The following CDKL4 variants were observed in gnomAD, a reference collection of about 807,000 sequenced individuals.
CDKL4 encodes the protein cyclin dependent kinase like 4, also known as cyclin-dependent kinase-like 4.
CDKL4 carries 44 observed loss-of-function variants against 42.0 expected under a neutral mutation model. The observed-to-expected ratio is 1.05, with a 90% CI of 0.82 to 1.35. The LOEUF (loss-of-function observed/expected upper bound fraction) is 1.35. Ranked by LOEUF, CDKL4 falls within the 40% of genes most tolerant of loss-of-function variation. The pLI, the probability that CDKL4 is intolerant of heterozygous loss-of-function variation, is 0.00. For missense variants in CDKL4, 393 were observed against 369.9 expected (o/e 1.06, Z -0.51); for synonymous variants, 120 against 121.6 (o/e 0.99, Z 0.09).
rs1191689562 is a variant in CDKL4 at position 39,185,387 on chromosome 2, CATGTATATAT to C, written c.736-750_736-741del. Among the ~76,000 whole-genome samples the C allele has an allele frequency of 3.8e-3, 12 of 3,158 alleles. 3 individuals carry two copies. Among genetic ancestry groups the C allele is most frequent in the Non-Finnish European group, 0.013 (8 of 630 alleles). 2.1% of individuals were successfully genotyped at this position (3,158 alleles called of 152,430 possible). On this transcript the variant is annotated intron_variant, in intron 7 of 9. Transcript: ENST00000451199. ...ATATATATATACATATGTATATATA[CATGTATATAT>C]ACATATGTGTATATATACATATATA...
chr2:39,185,352 GTATATATACA>G (rs1558547194), intron 7 of CDKL4, among the ~76,000 whole-genome samples: 4 of 74,386 alleles, frequency 5.4e-5, no homozygotes, highest in Admixed American at 1.6e-4. Flanking sequence ...ATACACATAT[GTATATATACA>G]TATATATATA....
chr2:39,220,619 G>A lies in CDKL4; in HGVS notation c.290+5220C>T, dbSNP rs534472604. Among the ~76,000 whole-genome samples, 232 of 151,470 alleles carry A rather than the reference G, an allele frequency of 1.5e-3. 2 individuals carry two copies. Among genetic ancestry groups the A allele is most frequent in the African/African-American group, 4.9e-3 (204 of 41,268 alleles). ...TTTCTTTTTTTTGAGATGGAGTTTC[G>A]CTCTGTCGCCCAGGCTGGAGTGAAG... On this transcript the variant is annotated intron_variant, in intron 3 of 9. Transcript: ENST00000451199.
intron 1 of CDKL4, among the ~76,000 whole-genome samples, chr2:39,232,351 T>C (rs567467286): frequency 1.3e-5 from 2 of 152,336 alleles, no homozygotes; most frequent in South Asian, 4.1e-4. Flanking sequence ...ACAGCTCTAA[T>C]TCCAGCTTAC....
chr2:39,226,456 T>TTATATATATTATATATATATA (rs1396098912), intron 2 of CDKL4, among the ~76,000 whole-genome samples: 9 of 137,440 alleles, frequency 6.5e-5, no homozygotes, highest in Non-Finnish European at 1.4e-4. Context: ...TATATATATA[T>TTATATATATTATATATATATA]TATATATATT....
At chr2:39,179,752 T>C (rs529512709) in intron 8 of CDKL4, among the ~76,000 whole-genome samples, 1 of 152,256 alleles carries the variant, frequency 6.6e-6, no homozygotes, top group African/African-American at 2.4e-5. Context: ...GCAGTTTGTG[T>C]TTAAGAAGCT....
intron 3 of CDKL4, among the ~76,000 whole-genome samples, chr2:39,216,080 T>G (rs1399172736): frequency 6.6e-6 from 1 of 152,212 alleles, no homozygotes; most frequent in Non-Finnish European, 1.5e-5. Flanking sequence ...ATCCCAGATA[T>G]GCTGCTTCCT....
chr2:39,219,769 C>T (rs1184290335), intron 3 of CDKL4, among the ~76,000 whole-genome samples: 1 of 152,058 alleles, frequency 6.6e-6, no homozygotes, highest in Non-Finnish European at 1.5e-5. Context: ...AATAAAATGC[C>T]TATTCAAGGC....
At chr2:39,215,141 G>A (rs1475950713) in intron 3 of CDKL4, among the ~76,000 whole-genome samples, 1 of 152,126 alleles carries the variant, frequency 6.6e-6, no homozygotes, top group Non-Finnish European at 1.5e-5. Flanking sequence ...TCTCCTCATT[G>A]TCTTGCCAAC....
intron 2 of CDKL4, among the ~76,000 whole-genome samples, chr2:39,226,897 G>A (rs80166636): frequency 4.7e-4 from 72 of 152,218 alleles, no homozygotes; most frequent in Admixed American, 8.5e-4. Flanking sequence ...CTTTGCTGTA[G>A]CTGGGACTAC....
intron 9 of CDKL4, chr2:39,178,418 A>C (rs906687037): frequency 1.4e-5 from 10 of 708,324 alleles, no homozygotes; most frequent in Non-Finnish European, 2.3e-5. Context: ...GTTTATTATT[A>C]GGCAATGTTC....
intron 3 of CDKL4, among the ~76,000 whole-genome samples, chr2:39,219,623 G>T (rs765512177): frequency 6.6e-6 from 1 of 152,040 alleles, no homozygotes; most frequent in Non-Finnish European, 1.5e-5. Context: ...ATTTCACCCT[G>T]TTGCCCAGAG....
intron 4 of CDKL4, among the ~76,000 whole-genome samples, chr2:39,209,641 T>C (rs996156155): frequency 1.3e-5 from 2 of 152,078 alleles, no homozygotes; most frequent in East Asian, 3.9e-4. Context: ...ATAGTTGGAG[T>C]AGCAAGGCCT....
At chr2:39,208,686 T>C in intron 4 of CDKL4, among the ~76,000 whole-genome samples, 1 of 148,948 alleles carries the variant, frequency 6.7e-6, no homozygotes, top group East Asian at 2.0e-4. Flanking sequence ...TCAGTTGTTG[T>C]GGCTGACGGG....
chr2:39,229,574 A>G (rs2148393846), exon 2 of CDKL4: 1 of 1,489,370 alleles, frequency 6.7e-7, no homozygotes, highest in South Asian at 1.2e-5. Flanking sequence ...ATTGACTTGC[A>G]GTACAATGCT....
chr2:39,239,964 C>T (rs2148410807), intron 1 of CDKL4, among the ~76,000 whole-genome samples: 1 of 151,500 alleles, frequency 6.6e-6, no homozygotes, highest in Non-Finnish European at 1.5e-5. Flanking sequence ...GTGGCGCACA[C>T]TTGTAATCCC....
At chr2:39,187,544 C>G in intron 7 of CDKL4, 83 bp downstream of exon 7, 1 of 1,016,318 alleles carries the variant, frequency 9.8e-7, no homozygotes, top group Non-Finnish European at 1.4e-6. Context: ...GACATCATCT[C>G]AAAATAAATA....
At chr2:39,216,330 G>A (rs1181183814) in intron 3 of CDKL4, among the ~76,000 whole-genome samples, 9 of 152,186 alleles carry the variant, frequency 5.9e-5, no homozygotes. Context: ...AGGAGAGAAA[G>A]AACTGGAGGT....
chr2:39,207,850 C>G (rs1677299485), intron 4 of CDKL4, among the ~76,000 whole-genome samples: 1 of 152,138 alleles, frequency 6.6e-6, no homozygotes, highest in African/African-American at 2.4e-5. Flanking sequence ...GCCTGTAACC[C>G]CAGCACTTTG....
chr2:39,179,719 C>T (rs1482318926), intron 8 of CDKL4, among the ~76,000 whole-genome samples: 2 of 152,144 alleles, frequency 1.3e-5, no homozygotes, highest in African/African-American at 2.4e-5. Context: ...CAAAGGGAAT[C>T]GAGGCACTGG....
Sources: allele counts gnomAD v4.1 joint callset (sites outside exome capture counted in the v4.1 genomes callset), GRCh38; gene constraint gnomAD v4.1.1; transcripts MANE v1.5; gene names NCBI Gene and HGNC (gene_info 2026-07-23, HGNC 2026-07-21).